The following PCDH15 variants were observed in gnomAD, a reference collection of about 807,000 sequenced individuals.
PCDH15 encodes protocadherin related 15.
In PCDH15, 129 loss-of-function variants were observed where a neutral mutation model predicts 178.5. The observed-to-expected ratio is 0.72, with a 90% CI of 0.63 to 0.84. PCDH15 has a LOEUF of 0.84. Ranked by LOEUF, PCDH15 falls within the 40% of genes least tolerant of loss-of-function variation. The probability of loss-of-function intolerance (pLI) is 0.00; values close to 1 mark genes in which losing one functional copy is unlikely to be tolerated. For missense variants in PCDH15, 2,230 were observed against 2,099.9 expected, an observed-to-expected ratio of 1.06 and a Z score of -1.21; for synonymous variants, 800 against 732.0, an observed-to-expected ratio of 1.09 and a Z score of -1.50.
chr10:55,405,278 T>C (rs1838169005), intron 2 of PCDH15, among the ~76,000 whole-genome samples: 1 of 70,926 alleles, frequency 1.4e-5, no homozygotes, highest in African/African-American at 6.5e-5. Flanking sequence ...TAGTGTGAGG[T>C]AACAGATATA....
At chr10:54,822,773 T>G (rs951030274) in intron 3 of PCDH15, among the ~76,000 whole-genome samples, 3 of 152,088 alleles carry the variant, frequency 2.0e-5, no homozygotes, top group Non-Finnish European at 4.4e-5. Context: ...TCCCTTCCTT[T>G]ACATCATTGC....
intron 1 of PCDH15, among the ~76,000 whole-genome samples, chr10:55,182,019 G>C (rs1011973142): frequency 6.6e-6 from 1 of 151,966 alleles, no homozygotes; most frequent in South Asian, 2.1e-4. Context: ...AAGATCCAGG[G>C]TTTCAACATG....
At position 54,227,704 on chromosome 10, in the gene PCDH15, C is replaced by T. The variant is rs528533378; in HGVS notation, c.985+9119G>A. Among the ~76,000 whole-genome samples, 29 of 152,330 alleles carry T rather than the reference C, an allele frequency of 1.9e-4. 1 individual carries two copies. Among genetic ancestry groups the T allele is most frequent in the Non-Finnish European group, 3.1e-4 (21 of 68,020 alleles). The stretch of plus-strand genomic sequence containing the variant: ...TGTAAATATTCTGAACTTTTATGCT[C>T]TGTTTCCCTAATAAAACTGAATGCC... On this transcript the variant is annotated intron_variant, in intron 9 of 37. Transcript: ENST00000644397.
chr10:55,139,130 A>G (rs1838280601), intron 2 of PCDH15, among the ~76,000 whole-genome samples: 2 of 151,962 alleles, frequency 1.3e-5, no homozygotes, highest in South Asian at 4.1e-4. Flanking sequence ...TTCTCAGTGG[A>G]ATGCCTCCTT....
intron 16 of PCDH15, among the ~76,000 whole-genome samples, chr10:54,084,729 G>A (rs925782338): frequency 1.3e-5 from 2 of 152,114 alleles, no homozygotes; most frequent in Non-Finnish European, 2.9e-5. Flanking sequence ...AGGAAATACC[G>A]ATGCAGCATC....
At chr10:55,168,528 G>A (rs1472598696) in intron 1 of PCDH15, among the ~76,000 whole-genome samples, 2 of 152,148 alleles carry the variant, frequency 1.3e-5, no homozygotes, top group East Asian at 3.8e-4. Flanking sequence ...TAGGGGTTCT[G>A]TACATTTGTG....
At chr10:55,210,760 C>T (rs968080448) in intron 1 of PCDH15, among the ~76,000 whole-genome samples, 4 of 149,470 alleles carry the variant, frequency 2.7e-5, no homozygotes, top group African/African-American at 9.9e-5. Flanking sequence ...TCCCTAGTAG[C>T]TGGGACTACA....
chr10:55,433,882 T>C (rs2132060054), intron 2 of PCDH15, among the ~76,000 whole-genome samples: 2 of 152,130 alleles, frequency 1.3e-5, no homozygotes, highest in Admixed American at 1.3e-4. Context: ...TATTGATCAA[T>C]CCTTTTTTCT....
intron 2 of PCDH15, among the ~76,000 whole-genome samples, chr10:55,060,836 CA>C (rs1161279193): frequency 1.3e-5 from 2 of 151,772 alleles, no homozygotes; most frequent in Non-Finnish European, 2.9e-5. Context: ...ATAGCCATTT[CA>C]ACTTAGGGCA....
At chr10:55,190,421 G>A (rs1439115074) in intron 1 of PCDH15, among the ~76,000 whole-genome samples, 1 of 151,672 alleles carries the variant, frequency 6.6e-6, no homozygotes, top group East Asian at 1.9e-4. Context: ...TGTAAGTTAT[G>A]ATTAAATAAG....
chr10:54,787,701 C>A (rs1434140144), intron 1 of PCDH15, among the ~76,000 whole-genome samples: 1 of 151,866 alleles, frequency 6.6e-6, no homozygotes, highest in Non-Finnish European at 1.5e-5. Flanking sequence ...AGGGCATGAA[C>A]CTCAGGGCTC....
intron 2 of PCDH15, among the ~76,000 whole-genome samples, chr10:54,979,843 T>G (rs1468765794): frequency 1.1e-5 from 1 of 92,408 alleles, no homozygotes; most frequent in South Asian, 4.0e-4. Flanking sequence ...TGTAACATAT[T>G]GTAACATAAA....
intron 14 of PCDH15, among the ~76,000 whole-genome samples, chr10:54,137,836 G>T (rs2043032311): frequency 6.6e-6 from 1 of 152,098 alleles, no homozygotes; most frequent in South Asian, 2.1e-4. Flanking sequence ...TGAACCCCTG[G>T]TGTTCCTGTG....
Position 54,079,313 on chromosome 10 carries a change from C to T in PCDH15, c.2091+18G>A. On this transcript the variant is annotated intron_variant, in intron 17 of 37. Transcript: ENST00000644397. ...CTTAATACTATTTTTAAAACCCCTT[C>T]ACAGGGAGCATACTCACCCCATCTG... The T allele has an allele frequency of 1.9e-6, 3 of 1,608,960 alleles. No homozygotes were observed. Among genetic ancestry groups the T allele is most frequent in the East Asian group, 4.5e-5 (2 of 44,826 alleles).
chr10:55,500,764 C>T (rs1458050204), intron 2 of PCDH15, among the ~76,000 whole-genome samples: 1 of 151,784 alleles, frequency 6.6e-6, no homozygotes, highest in African/African-American at 2.4e-5. Flanking sequence ...TATTTGAGTG[C>T]ATATAAAGTT....
chr10:54,435,462 T>C (rs2075318399), intron 3 of PCDH15, among the ~76,000 whole-genome samples: 1 of 152,326 alleles, frequency 6.6e-6, no homozygotes, highest in African/African-American at 2.4e-5. Context: ...GTATTTTGCC[T>C]GGACTATATT....
intron 3 of PCDH15, among the ~76,000 whole-genome samples, chr10:54,861,170 C>T (rs1400633528): frequency 2.0e-5 from 3 of 152,024 alleles, no homozygotes; most frequent in African/African-American, 7.2e-5. Flanking sequence ...TCCTGGTCTT[C>T]TGGAGTAACA....
In PCDH15 at chr10:54,338,887, G is replaced by T. The variant is rs756134247; in HGVS notation, c.594+7478C>A. On this transcript the variant is annotated intron_variant, in intron 6 of 37. Transcript: ENST00000644397. ...TTAAAATAAAAAAAAAGATCAAAAA[G>T]ACATGATAATTATTGTCTAAATAGT... Among the ~76,000 whole-genome samples, 267 of 132,972 alleles carry T rather than the reference G, an allele frequency of 2.0e-3. 1 individual carries two copies. Among genetic ancestry groups the T allele is most frequent in the South Asian group, 1.4e-3 (6 of 4,414 alleles). The allele number at this position is 132,972 out of a possible 152,430, so 87.2% of individuals were successfully genotyped here.
chr10:54,468,462 A>G (rs1364790977), intron 3 of PCDH15, among the ~76,000 whole-genome samples: 2 of 151,982 alleles, frequency 1.3e-5, no homozygotes, highest in Non-Finnish European at 2.9e-5. Context: ...AAATATTAAT[A>G]TAGTTTTCAA....
Sources: gnomAD v4.1 joint callset for allele counts (sites outside exome capture counted in the v4.1 genomes callset) on GRCh38, gnomAD v4.1.1 for gene constraint, MANE v1.5 for transcripts, NCBI Gene and HGNC (gene_info 2026-07-23, HGNC 2026-07-21) for gene names.